GPC5: variants seen among roughly 807,000 people sequenced by gnomAD.
GPC5 encodes glypican 5.
GPC5 carries 47 observed loss-of-function variants against 53.9 expected under a neutral mutation model. The observed-to-expected ratio is 0.87, with a 90% CI of 0.69 to 1.11. The LOEUF is 1.11. Among genes scored for constraint, GPC5 ranks in the 50% most tolerant of loss-of-function variants. GPC5 has a pLI of 0.00. For synonymous variants in GPC5, 286 were observed against 263.3 expected (o/e 1.09, Z -0.84); for missense variants, 748 against 713.1 (o/e 1.05, Z -0.56).
chr13:92,816,197 CA>C (rs1566430571), intron 7 of GPC5, among the ~76,000 whole-genome samples: 1 of 151,996 alleles, frequency 6.6e-6, no homozygotes, highest in Admixed American at 6.5e-5. Context: ...ACATAATTTT[CA>C]TTCTGTTTTA....
intron 2 of GPC5, among the ~76,000 whole-genome samples, chr13:91,472,036 T>TA (rs1882664632): frequency 3.3e-5 from 5 of 152,186 alleles, no homozygotes; most frequent in Admixed American, 1.3e-4. Context: ...ATCTCTATTA[T>TA]ATCTATTCAA....
intron 6 of GPC5, among the ~76,000 whole-genome samples, chr13:92,118,636 C>A (rs1440295004): frequency 6.6e-6 from 1 of 152,090 alleles, no homozygotes; most frequent in Non-Finnish European, 1.5e-5. Context: ...TTTTGCACAC[C>A]ATGGGTTAGA....
chr13:92,478,304 A>G (rs111746905), intron 7 of GPC5, among the ~76,000 whole-genome samples: 15 of 152,194 alleles, frequency 9.9e-5, no homozygotes, highest in Non-Finnish European at 1.8e-4. Flanking sequence ...CTTGATCCTT[A>G]AAAGCCTTGT....
intron 6 of GPC5, among the ~76,000 whole-genome samples, chr13:91,937,449 T>A (rs1484282750): frequency 6.6e-6 from 1 of 152,068 alleles, no homozygotes; most frequent in Non-Finnish European, 1.5e-5. Context: ...CAAGTTACCA[T>A]CTGTGGCACA....
chr13:91,399,278 T>A, intron 1 of GPC5, 69 bp downstream of exon 1: 1 of 1,532,116 alleles, frequency 6.5e-7, no homozygotes, highest in Non-Finnish European at 8.8e-7. Context: ...CCAGGCTCCC[T>A]TGGTGGCACT....
intron 7 of GPC5, among the ~76,000 whole-genome samples, chr13:92,652,789 T>A (rs1421137269): frequency 1.3e-5 from 2 of 152,278 alleles, no homozygotes; most frequent in Middle Eastern, 3.4e-3. Context: ...TCATCTTTCC[T>A]CTAGATTCTT....
At chr13:92,264,870 C>G (rs1282042244) in intron 7 of GPC5, among the ~76,000 whole-genome samples, 7 of 118,342 alleles carry the variant, frequency 5.9e-5, no homozygotes, top group Non-Finnish European at 1.2e-4. Flanking sequence ...CTCTCTCTCT[C>G]TCTCTCTCTG....
At chr13:92,167,839 T>A (rs2042042569) in intron 7 of GPC5, among the ~76,000 whole-genome samples, 1 of 151,540 alleles carries the variant, frequency 6.6e-6, no homozygotes, top group Non-Finnish European at 1.5e-5. Flanking sequence ...TTTACTCATT[T>A]TAGTTCAGTA....
intron 7 of GPC5, among the ~76,000 whole-genome samples, chr13:92,432,973 A>G (rs1266191005): frequency 1.3e-5 from 2 of 152,206 alleles, no homozygotes; most frequent in Non-Finnish European, 2.9e-5. Flanking sequence ...AACTGTGAAT[A>G]GAATAGAGAA....
At chr13:92,470,940 A>G (rs537666453) in intron 7 of GPC5, among the ~76,000 whole-genome samples, 10 of 152,220 alleles carry the variant, frequency 6.6e-5, no homozygotes, top group African/African-American at 2.2e-4. Flanking sequence ...TTGATGAGAG[A>G]TTAAAATGGA....
intron 6 of GPC5, among the ~76,000 whole-genome samples, chr13:91,970,925 C>A (rs1438172775): frequency 1.3e-5 from 2 of 152,114 alleles, no homozygotes. Context: ...GTCTAAAGTT[C>A]TCTTTTTTGG....
intron 2 of GPC5, among the ~76,000 whole-genome samples, chr13:91,671,805 A>C (rs963029977): frequency 2.1e-5 from 3 of 141,288 alleles, no homozygotes; most frequent in Non-Finnish European, 3.0e-5. Flanking sequence ...AAAAAAAAAA[A>C]CGAAACTGGA....
intron 7 of GPC5, among the ~76,000 whole-genome samples, chr13:92,321,682 G>A (rs544211934): frequency 6.6e-6 from 1 of 152,052 alleles, no homozygotes; most frequent in Non-Finnish European, 1.5e-5. Flanking sequence ...ATTATTGATG[G>A]GAAAAACATC....
At chr13:92,277,242 C>T (rs995744091) in intron 7 of GPC5, among the ~76,000 whole-genome samples, 2 of 151,898 alleles carry the variant, frequency 1.3e-5, no homozygotes, top group African/African-American at 4.8e-5. Flanking sequence ...ACACCTTGAG[C>T]GTTTTTGAGA....
chr13:91,975,442 C>T lies in GPC5; in HGVS notation c.1401+67385C>T, dbSNP rs1426116294. 2.6e-5 allele frequency among the ~76,000 whole-genome samples: 4 copies of T among 152,204 alleles called. 1 individual carries two copies. The South Asian group carries it at 8.3e-4, about 32-fold the overall frequency. On this transcript the variant is annotated intron_variant, in intron 6 of 7. Transcript: ENST00000377067. ...TTTACAAGAAAAAAACAAACAACCC[C>T]ATCAAAAAGTGGGCAAAGGATATGA...
At chr13:91,562,828 T>C (rs192001966) in intron 2 of GPC5, among the ~76,000 whole-genome samples, 19 of 152,200 alleles carry the variant, frequency 1.2e-4, no homozygotes, top group African/African-American at 3.1e-4. Context: ...ACAAGACTTC[T>C]GTGAATAGGA....
chr13:91,629,877 G>T (rs939902515), intron 2 of GPC5, among the ~76,000 whole-genome samples: 1 of 152,098 alleles, frequency 6.6e-6, no homozygotes, highest in Non-Finnish European at 1.5e-5. Flanking sequence ...CCTGTGCAGT[G>T]AACCAGATAA....
At chr13:91,443,536 C>T (rs1880588251) in intron 1 of GPC5, among the ~76,000 whole-genome samples, 1 of 152,126 alleles carries the variant, frequency 6.6e-6, no homozygotes, top group African/African-American at 2.4e-5. Flanking sequence ...TTTGATATGG[C>T]CTGGTAGTTA....
At chr13:92,657,666 G>A (rs1886187018) in intron 7 of GPC5, among the ~76,000 whole-genome samples, 1 of 147,472 alleles carries the variant, frequency 6.8e-6, no homozygotes, top group South Asian at 2.2e-4. Context: ...AATTTTAAAG[G>A]CCACCCTTTC....
Sources: gnomAD v4.1 joint callset for allele counts (sites outside exome capture counted in the v4.1 genomes callset) on GRCh38, gnomAD v4.1.1 for gene constraint, MANE v1.5 for transcripts, NCBI Gene and HGNC (gene_info 2026-07-23, HGNC 2026-07-21) for gene names.